GRIN2A: variants seen among roughly 807,000 people sequenced by gnomAD.
GRIN2A encodes the protein glutamate receptor ionotropic, NMDA 2A.
In GRIN2A, 22 loss-of-function variants were observed where a neutral mutation model predicts 113.4. That is an observed-to-expected ratio of 0.19 (90% CI 0.14 to 0.28). GRIN2A has a LOEUF of 0.28. Among genes scored for constraint, GRIN2A ranks in the 10% least tolerant of loss-of-function variants. The pLI is 1.00. For synonymous variants in GRIN2A, 827 were observed against 738.4 expected, an observed-to-expected ratio of 1.12 and a Z score of -1.94; for missense variants, 1,502 against 1,887.0, an observed-to-expected ratio of 0.80 and a Z score of 3.78.
intron 2 of GRIN2A, among the ~76,000 whole-genome samples, chr16:10,152,914 G>C (rs974628601): frequency 6.6e-6 from 1 of 152,198 alleles, no homozygotes; most frequent in African/African-American, 2.4e-5. Context: ...GAAAAGATCA[G>C]TGGTTGCCAG....
At chr16:10,033,561 C>A (rs2141932957) in intron 2 of GRIN2A, 1 of 152,330 alleles carries the variant, frequency 6.6e-6, no homozygotes, top group East Asian at 1.9e-4. Flanking sequence ...GTCTCGTAAT[C>A]CCTCCAAACC....
At chr16:10,138,963 TG>T (rs1197960204) in intron 2 of GRIN2A, among the ~76,000 whole-genome samples, 1 of 152,216 alleles carries the variant, frequency 6.6e-6, no homozygotes, top group African/African-American at 2.4e-5. Flanking sequence ...ATTCTTGGTA[TG>T]GGAGTTCTCC....
At chr16:10,137,082 C>T (rs373549395) in intron 2 of GRIN2A, among the ~76,000 whole-genome samples, 3 of 152,168 alleles carry the variant, frequency 2.0e-5, no homozygotes, top group Non-Finnish European at 2.9e-5. Flanking sequence ...AAATCCCTAC[C>T]GTTGGCTGCT....
chr16:9,941,725 G>A (rs558654209), intron 2 of GRIN2A, among the ~76,000 whole-genome samples: 1 of 152,258 alleles, frequency 6.6e-6, no homozygotes, highest in South Asian at 2.1e-4. Context: ...TCTATAAAAT[G>A]GGTGTGGCTA....
At position 10,039,806 on chromosome 16, in the gene GRIN2A, G is replaced by A. The variant is rs774379194; in HGVS notation, c.415-101255C>T. 5.7e-4 allele frequency among the ~76,000 whole-genome samples: 31 copies of A among 54,548 alleles called. 2 individuals are homozygous for A. Among genetic ancestry groups the A allele is most frequent in the African/African-American group, 1.4e-3 (13 of 9,602 alleles). 35.8% of individuals were successfully genotyped at this position (54,548 alleles called of 152,430 possible). On this transcript the variant is annotated intron_variant, in intron 2 of 12. Coordinates refer to ENST00000330684, the MANE Select transcript of GRIN2A (RefSeq NM_001134407.3). ...GGAGGGGGAGGGGGAGGGGGAGGGG[G>A]GGGAGAAAGAGAGAGAGAGAGAGAG... is the stretch of plus-strand genomic sequence containing the variant.
chr16:9,849,647 G>A (rs2042844572), intron 5 of GRIN2A, 109 bp downstream of exon 5: 4 of 871,962 alleles, frequency 4.6e-6, no homozygotes, highest in Non-Finnish European at 7.9e-6. Flanking sequence ...ATAACGACGT[G>A]TATTTTCTAT....
At chr16:9,828,388 T>A (rs750958829) in intron 9 of GRIN2A, among the ~76,000 whole-genome samples, 5 of 152,232 alleles carry the variant, frequency 3.3e-5, no homozygotes, top group Non-Finnish European at 5.9e-5. Flanking sequence ...CAAGATTCTT[T>A]CAACCACAGT....
chr16:10,075,896 T>C lies in GRIN2A; in HGVS notation c.414+104102A>G, dbSNP rs575931421. Reference sequence around the variant, plus strand: ...TTAAAAAATAAAATCCTACAACTAGTGTTTATAACTCTGGGCTCTGAACCC... The same window carrying C: ...TTAAAAAATAAAATCCTACAACTAGCGTTTATAACTCTGGGCTCTGAACCC... On this transcript the variant is annotated intron_variant, in intron 2 of 12. Coordinates refer to ENST00000330684, the MANE Select transcript of GRIN2A (RefSeq NM_001134407.3). Among the ~76,000 whole-genome samples, 4 of 152,214 alleles carry C rather than the reference T, an allele frequency of 2.6e-5. No individual in the cohort carries two copies. The East Asian group carries it at 5.8e-4, about 22-fold the overall frequency.
At chr16:10,126,913 TTC>T (rs1245260963) in intron 2 of GRIN2A, among the ~76,000 whole-genome samples, 2 of 152,208 alleles carry the variant, frequency 1.3e-5, no homozygotes, top group African/African-American at 2.4e-5. Context: ...TCTGAGGACC[TTC>T]TGAGTCACAC....
intron 2 of GRIN2A, among the ~76,000 whole-genome samples, chr16:9,979,991 A>AGCTCAGTCC: frequency 6.6e-6 from 1 of 151,812 alleles, no homozygotes; most frequent in South Asian, 2.1e-4. Flanking sequence ...CAGACATGGT[A>AGCTCAGTCC]GCTCAGTCCT....
At chr16:10,103,108 A>C (rs542396706) in intron 2 of GRIN2A, among the ~76,000 whole-genome samples, 11 of 152,212 alleles carry the variant, frequency 7.2e-5, no homozygotes, top group Admixed American at 6.5e-5. Context: ...CTCTAATAGG[A>C]GACCCACTCG....
Position 9,903,902 on chromosome 16 carries a change from G to C in GRIN2A, c.1008-12802C>G, listed in dbSNP as rs371604999. On this transcript the variant is annotated intron_variant, in intron 3 of 12. Transcript: ENST00000330684. ...TGATATGAAGGGTGCTCCTGGACTT[G>C]TGTAATTCATAGCCTGAACAATGTT... Among the ~76,000 whole-genome samples the C allele has an allele frequency of 3.3e-4, 50 of 152,338 alleles. No individual in the cohort carries two copies. In the East Asian group the frequency reaches 3.7e-3, roughly 11 times the overall value.
At chr16:10,002,751 T>G (rs1054371978) in intron 2 of GRIN2A, among the ~76,000 whole-genome samples, 4 of 152,208 alleles carry the variant, frequency 2.6e-5, no homozygotes, top group African/African-American at 9.7e-5. Context: ...CTTTCAGTAT[T>G]TCAAGACAAT....
chr16:10,059,598 A>G (rs1330739168), intron 2 of GRIN2A, among the ~76,000 whole-genome samples: 1 of 152,124 alleles, frequency 6.6e-6, no homozygotes, highest in African/African-American at 2.4e-5. Flanking sequence ...TAATAACTTT[A>G]GAAAGGAGCC....
At chr16:9,765,046 T>C (rs1596378067) in intron 12 of GRIN2A, 98 bp from the exon 13 acceptor site, 1 of 1,502,584 alleles carries the variant, frequency 6.7e-7, no homozygotes, top group Non-Finnish European at 9.2e-7. Flanking sequence ...GATTTGCACT[T>C]CTTGCAGGAG....
chr16:9,871,390 A>G (rs538544172), intron 4 of GRIN2A, among the ~76,000 whole-genome samples: 2 of 152,196 alleles, frequency 1.3e-5, no homozygotes, highest in South Asian at 4.2e-4. Flanking sequence ...CTTTGATAAA[A>G]GAGAACACTG....
chr16:10,036,286 G>A (rs28627855), intron 2 of GRIN2A, among the ~76,000 whole-genome samples: 34,646 of 151,886 alleles, frequency 0.23, 4,808 homozygotes, highest in East Asian at 0.52. Context: ...TCTGGAGGCT[G>A]AAAGTGTAAG....
intron 3 of GRIN2A, among the ~76,000 whole-genome samples, chr16:9,902,959 T>TTG (rs1491446907): frequency 8.1e-5 from 2 of 24,832 alleles, no homozygotes; most frequent in Non-Finnish European, 1.3e-4. Flanking sequence ...TTTTTTTTTT[T>TTG]GGCGGGGGGG....
At chr16:9,924,110 CAAAAAAA>C (rs921695456) in intron 3 of GRIN2A, among the ~76,000 whole-genome samples, 4 of 18,220 alleles carry the variant, frequency 2.2e-4, no homozygotes, top group East Asian at 2.0e-3. Flanking sequence ...GACTTGGTCT[CAAAAAAA>C]AAAAAAAAAA....
Sources: allele counts gnomAD v4.1 joint callset (sites outside exome capture counted in the v4.1 genomes callset), GRCh38; gene constraint gnomAD v4.1.1; transcripts MANE v1.5; gene names NCBI Gene and HGNC (gene_info 2026-07-23, HGNC 2026-07-21).